The following ANKHD1 variants were observed in gnomAD, a reference collection of about 807,000 sequenced individuals.
The protein encoded by ANKHD1 is ankyrin repeat and KH domain-containing protein 1.
ANKHD1 carries 31 observed loss-of-function variants against 230.5 expected under a neutral mutation model. That is an observed-to-expected ratio of 0.13 (90% CI 0.10 to 0.18). ANKHD1 has a LOEUF of 0.18. ANKHD1 is among the 10% of genes least tolerant of loss of function. ANKHD1 has a pLI of 1.00. For synonymous variants in ANKHD1, 1,074 were observed against 1,117.6 expected (o/e 0.96, Z 0.78); for missense variants, 2,256 against 3,071.3 (o/e 0.73, Z 6.27).
At chr5:140,508,023 A>G (rs750039160) in intron 20 of ANKHD1, 25 bp downstream of exon 20, 13 of 1,595,474 alleles carry the variant, frequency 8.1e-6, no homozygotes, top group Non-Finnish European at 1.1e-5. Flanking sequence ...CTTGTCAACT[A>G]TTTCAGATAC....
chr5:140,466,811 G>A (rs921880475), intron 10 of ANKHD1, among the ~76,000 whole-genome samples: 9 of 152,002 alleles, frequency 5.9e-5, no homozygotes, highest in African/African-American at 2.2e-4. Flanking sequence ...GCCGGGCATG[G>A]TGGCGGGCCC....
chr5:140,520,780 G>A (rs1291726247), intron 24 of ANKHD1, among the ~76,000 whole-genome samples: 19 of 139,420 alleles, frequency 1.4e-4, no homozygotes, highest in Non-Finnish European at 2.2e-4. Context: ...GGACTGTTGT[G>A]GGGTGGGGGG....
In ANKHD1 at chr5:140,458,714, A is replaced by G. The variant is rs1775406619; in HGVS notation, c.1332A>G (p.Leu444=). ...PADSFESPLT[L]AACGGHVELA... ...ATTCATTTGAATCTCCATTGACGCT[A>G]GCTGCCTGTGGAGGACATGTTGAAT... The change falls in exon 8 of 34, where the codon CTA becomes CTG. Residue 444 remains leucine, a synonymous_variant. Transcript: ENST00000360839. 6.2e-7 allele frequency: 1 copy of G among 1,613,372 alleles called. No homozygotes were observed. Among genetic ancestry groups the G allele is most frequent in the Admixed American group, 1.7e-5 (1 of 59,860 alleles).
chr5:140,535,085 C>T (rs1754012503), intron 29 of ANKHD1, among the ~76,000 whole-genome samples: 2 of 152,160 alleles, frequency 1.3e-5, no homozygotes, highest in Non-Finnish European at 2.9e-5. Flanking sequence ...TAGAACATTA[C>T]TCCAGGTGAC....
At chr5:140,457,221 T>C (rs2126960624) in intron 7 of ANKHD1, among the ~76,000 whole-genome samples, 1 of 152,282 alleles carries the variant, frequency 6.6e-6, no homozygotes, top group East Asian at 1.9e-4. Flanking sequence ...CTGGAGAGGA[T>C]GTGGAGAAAT....
chr5:140,409,658 T>A (rs916914701), intron 1 of ANKHD1, among the ~76,000 whole-genome samples: 4 of 151,982 alleles, frequency 2.6e-5, no homozygotes, highest in African/African-American at 9.7e-5. Flanking sequence ...GTTCAAGTGA[T>A]TCTCCTGCCT....
In ANKHD1 at chr5:140,529,395, C is replaced by T; in HGVS notation, c.6449C>T (p.Ala2150Val). Reference sequence around the variant, plus strand: ...TCTTTTTACTCCATGGTACCAAATGCAACTATTCACCAGGATCCCCAGTCT... The same window carrying T: ...TCTTTTTACTCCATGGTACCAAATGTAACTATTCACCAGGATCCCCAGTCT... ...RGSFYSMVPN[A>V]TIHQDPQSIF... is the part of the protein sequence containing the mutation. The change falls in exon 29 of 34, where the codon GCA becomes GTA. Residue 2150 changes from alanine (A) to valine (V), a missense_variant. This residue lies in a region of ANKHD1 where 778 missense variants were observed against 966.5 expected (regional missense o/e 0.80). Coordinates refer to ENST00000360839, the MANE Select transcript of ANKHD1 (RefSeq NM_017747.3). 1 of 1,614,202 alleles carries T rather than the reference C, an allele frequency of 6.2e-7. No homozygotes were observed. The highest frequency in any genetic ancestry group is 8.5e-7 in the Non-Finnish European group (1 of 1,180,036).
intron 1 of ANKHD1, among the ~76,000 whole-genome samples, chr5:140,431,423 T>C (rs1178170554): frequency 1.3e-5 from 2 of 152,166 alleles, no homozygotes; most frequent in Non-Finnish European, 2.9e-5. Flanking sequence ...GTGGAGAAAA[T>C]AGACACTGTG....
At chr5:140,524,378 G>A (rs1177561659) in intron 25 of ANKHD1, 138 bp downstream of exon 25, 5 of 1,351,568 alleles carry the variant, frequency 3.7e-6, no homozygotes, top group Non-Finnish European at 4.8e-6. Flanking sequence ...GACTTTTATA[G>A]TAAATATTTG....
chr5:140,415,413 C>A (rs1216660874), intron 1 of ANKHD1, among the ~76,000 whole-genome samples: 1 of 148,614 alleles, frequency 6.7e-6, no homozygotes, highest in Non-Finnish European at 1.5e-5. Flanking sequence ...ATAGTCTAAG[C>A]TTTTAAATTT....
intron 15 of ANKHD1, among the ~76,000 whole-genome samples, chr5:140,499,355 G>C (rs1752173906): frequency 6.6e-6 from 1 of 151,966 alleles, no homozygotes. Flanking sequence ...TAAGATTATA[G>C]AGTAGGACAA....
In ANKHD1 at chr5:140,511,140, C is replaced by T. The variant is rs1221124580; in HGVS notation, c.4104+959C>T. On this transcript the variant is annotated intron_variant, in intron 22 of 33. Coordinates refer to ENST00000360839, the MANE Select transcript of ANKHD1 (RefSeq NM_017747.3). ...CTCTCATATATATTAAAGTTCATGC[C>T]CGGCCTCTCATATATATTAAAGTTC... is the stretch of plus-strand genomic sequence containing the variant. 2.6e-5 allele frequency among the ~76,000 whole-genome samples: 4 copies of T among 152,014 alleles called. No homozygotes were observed. The South Asian group carries it at 6.2e-4, about 24-fold the overall frequency.
At chr5:140,407,657 A>G (rs571880137) in intron 1 of ANKHD1, among the ~76,000 whole-genome samples, 3 of 152,258 alleles carry the variant, frequency 2.0e-5, no homozygotes, top group African/African-American at 7.2e-5. Context: ...CCAAAAATGC[A>G]GAGATTACAA....
chr5:140,407,690 C>T (rs184969948), intron 1 of ANKHD1, among the ~76,000 whole-genome samples: 151 of 152,176 alleles, frequency 9.9e-4, no homozygotes, highest in African/African-American at 3.6e-3. Context: ...TGTGCCTGAC[C>T]GAAAAACCAA....
intron 24 of ANKHD1, among the ~76,000 whole-genome samples, chr5:140,521,397 G>T (rs562092832): frequency 2.2e-3 from 331 of 152,294 alleles, no homozygotes; most frequent in African/African-American, 7.3e-3. Context: ...CACTTTGGGA[G>T]GCTGAGGCAG....
intron 11 of ANKHD1, among the ~76,000 whole-genome samples, chr5:140,483,118 A>G (rs1751357557): frequency 6.6e-6 from 1 of 152,196 alleles, no homozygotes; most frequent in African/African-American, 2.4e-5. Context: ...AATTATATTT[A>G]GGCAAGAAAT....
At chr5:140,403,472 C>G (rs958216967) in intron 1 of ANKHD1, among the ~76,000 whole-genome samples, 1 of 151,786 alleles carries the variant, frequency 6.6e-6, no homozygotes, top group African/African-American at 2.4e-5. Flanking sequence ...AGTGCAGTGG[C>G]GCGATCTCGG....
chr5:140,420,977 A>T (rs1250771051), intron 1 of ANKHD1, among the ~76,000 whole-genome samples: 1 of 152,166 alleles, frequency 6.6e-6, no homozygotes, highest in Non-Finnish European at 1.5e-5. Context: ...GTACCTTTCT[A>T]TATGCTGTAG....
chr5:140,512,719 A>C (rs149772282), intron 22 of ANKHD1, 109 bp from the exon 23 acceptor site: 1 of 1,021,576 alleles, frequency 9.8e-7, no homozygotes, highest in East Asian at 3.0e-5. Context: ...GCATATATGC[A>C]AAATCAAGGG....
Sources: gnomAD v4.1 joint callset for allele counts (sites outside exome capture counted in the v4.1 genomes callset) on GRCh38, gnomAD v4.1.1 for gene constraint, gnomAD v4.1.1 regional missense constraint, MANE v1.5 for transcripts, NCBI Gene and HGNC (gene_info 2026-07-23, HGNC 2026-07-21) for gene names.